The following GMDS variants were observed in gnomAD, a reference collection of about 807,000 sequenced individuals.
The protein encoded by GMDS is GDP-mannose 4,6 dehydratase.
Under a neutral mutation model 49.9 loss-of-function variants are expected in GMDS, and 20 were observed. That is an observed-to-expected ratio of 0.40 (90% CI 0.28 to 0.58). The LOEUF is 0.58. GMDS is among the 20% of genes least tolerant of loss of function. The probability of loss-of-function intolerance (pLI) is 0.42; values close to 1 mark genes in which losing one functional copy is unlikely to be tolerated. For synonymous variants in GMDS, 177 were observed against 178.6 expected (o/e 0.99, Z 0.07); for missense variants, 362 against 481.4 (o/e 0.75, Z 2.32).
intron 7 of GMDS, among the ~76,000 whole-genome samples, chr6:1,791,079 G>A (rs1255586297): frequency 6.6e-6 from 1 of 152,152 alleles, no homozygotes; most frequent in East Asian, 1.9e-4. Flanking sequence ...AGAGCCACAA[G>A]CCAAGAAATG....
chr6:2,024,180 C>T (rs1266850174), intron 4 of GMDS, among the ~76,000 whole-genome samples: 1 of 152,068 alleles, frequency 6.6e-6, no homozygotes, highest in Non-Finnish European at 1.5e-5. Context: ...AAATTACTGC[C>T]AGTTTAGAAT....
intron 9 of GMDS, among the ~76,000 whole-genome samples, chr6:1,649,764 G>A (rs1323973605): frequency 6.6e-6 from 1 of 152,078 alleles, no homozygotes; most frequent in African/African-American, 2.4e-5. Flanking sequence ...AAAGTTTATT[G>A]CCTCCTTCTC....
At chr6:1,975,116 T>A (rs7775198) in intron 4 of GMDS, among the ~76,000 whole-genome samples, 6,402 of 151,948 alleles carry the variant, frequency 0.042, 425 homozygotes, top group African/African-American at 0.15. Flanking sequence ...TTGTTAGATA[T>A]CATTTTCATA....
intron 7 of GMDS, among the ~76,000 whole-genome samples, chr6:1,772,648 C>T (rs141913322): frequency 7.9e-5 from 12 of 152,256 alleles, no homozygotes; most frequent in African/African-American, 1.9e-4. Context: ...AGTATACGTT[C>T]GTGGGGACTG....
intron 9 of GMDS, among the ~76,000 whole-genome samples, chr6:1,683,663 C>T (rs1386630426): frequency 1.3e-5 from 2 of 152,094 alleles, no homozygotes; most frequent in Admixed American, 6.5e-5. Context: ...GGGGGAAAAA[C>T]CTTTAGACAT....
chr6:2,143,304 G>C lies in GMDS; in HGVS notation c.103-18573C>G, dbSNP rs151118394. On this transcript the variant is annotated intron_variant, in intron 1 of 10. Coordinates refer to ENST00000380815, the MANE Select transcript of GMDS (RefSeq NM_001500.4). ...CCCCTGGGCTCTGGTCTCCCACATTGTCAATTGAGGGGCACTACTGACCCT... is the reference window on the plus strand; with the variant it reads ...CCCCTGGGCTCTGGTCTCCCACATTCTCAATTGAGGGGCACTACTGACCCT... Among the ~76,000 whole-genome samples, 105 of 152,204 alleles carry C rather than the reference G, an allele frequency of 6.9e-4. No individual in the cohort carries two copies. The East Asian group carries it at 0.019, about 27-fold the overall frequency.
chr6:2,093,852 G>T (rs1448158919), intron 4 of GMDS, among the ~76,000 whole-genome samples: 1 of 151,842 alleles, frequency 6.6e-6, no homozygotes, highest in South Asian at 2.1e-4. Context: ...CCAAATTTGT[G>T]CTAATATTAT....
intron 9 of GMDS, among the ~76,000 whole-genome samples, chr6:1,650,695 C>G (rs371870567): frequency 4.6e-5 from 7 of 152,312 alleles, no homozygotes; most frequent in African/African-American, 1.7e-4. Flanking sequence ...CCCACCTCAG[C>G]CTCTCGAGTA....
At chr6:1,756,766 C>T (rs1050653718) in intron 7 of GMDS, among the ~76,000 whole-genome samples, 1 of 152,200 alleles carries the variant, frequency 6.6e-6, no homozygotes, top group African/African-American at 2.4e-5. Context: ...CATTCTCCAG[C>T]TAAGCGTTCT....
chr6:2,065,259 A>G (rs531163467), intron 4 of GMDS, among the ~76,000 whole-genome samples: 102 of 100,944 alleles, frequency 1.0e-3, no homozygotes, highest in Non-Finnish European at 1.8e-3. Context: ...CATCCACACC[A>G]AAAACCCATC....
intron 4 of GMDS, among the ~76,000 whole-genome samples, chr6:2,077,228 C>G (rs559090028): frequency 6.6e-6 from 1 of 152,158 alleles, no homozygotes; most frequent in South Asian, 2.1e-4. Context: ...CACGTCATCT[C>G]AAAGGTAAAC....
chr6:1,940,458 C>T (rs1346607983), intron 6 of GMDS, among the ~76,000 whole-genome samples: 1 of 152,244 alleles, frequency 6.6e-6, no homozygotes, highest in African/African-American at 2.4e-5. Flanking sequence ...GGCCACCCCA[C>T]TGTGAACTGC....
chr6:2,011,677 G>C (rs555522322), intron 4 of GMDS, among the ~76,000 whole-genome samples: 2 of 152,300 alleles, frequency 1.3e-5, no homozygotes, highest in East Asian at 3.9e-4. Context: ...ACTTTGAAAG[G>C]CTGAGGTGGA....
intron 4 of GMDS, among the ~76,000 whole-genome samples, chr6:1,968,634 G>C (rs1764400831): frequency 6.6e-6 from 1 of 152,186 alleles, no homozygotes. Flanking sequence ...TTCAGGGAGA[G>C]AGGCGGCTAT....
At chr6:1,997,082 G>A (rs1766328981) in intron 4 of GMDS, among the ~76,000 whole-genome samples, 1 of 151,926 alleles carries the variant, frequency 6.6e-6, no homozygotes, top group Non-Finnish European at 1.5e-5. Context: ...TCTACTCAAT[G>A]TGCTCTGACA....
chr6:1,710,446 G>T (rs1765905062), intron 9 of GMDS, among the ~76,000 whole-genome samples: 1 of 152,186 alleles, frequency 6.6e-6, no homozygotes, highest in Non-Finnish European at 1.5e-5. Flanking sequence ...ACCTGCTCTG[G>T]ACCTGCCGTG....
chr6:1,896,772 T>C (rs565708063), intron 7 of GMDS, among the ~76,000 whole-genome samples: 60 of 152,258 alleles, frequency 3.9e-4, no homozygotes, highest in African/African-American at 1.1e-3. Flanking sequence ...CAAAGTGTGA[T>C]TGACAAACAC....
intron 9 of GMDS, among the ~76,000 whole-genome samples, chr6:1,643,043 C>T (rs527296817): frequency 2.0e-5 from 3 of 152,300 alleles, no homozygotes; most frequent in South Asian, 2.1e-4. Flanking sequence ...CCTGCAGAGC[C>T]GGTCCATACT....
At chr6:2,053,319 G>A (rs1770561609) in intron 4 of GMDS, among the ~76,000 whole-genome samples, 1 of 151,980 alleles carries the variant, frequency 6.6e-6, no homozygotes, top group African/African-American at 2.4e-5. Flanking sequence ...CTATTTGAAA[G>A]TACAGTTTCC....
Sources: gnomAD v4.1 joint callset for allele counts (sites outside exome capture counted in the v4.1 genomes callset) on GRCh38, gnomAD v4.1.1 for gene constraint, MANE v1.5 for transcripts, NCBI Gene and HGNC (gene_info 2026-07-23, HGNC 2026-07-21) for gene names.